The following PLD1 variants were observed in gnomAD, a reference collection of about 807,000 sequenced individuals.
The protein encoded by PLD1 is phospholipase D1, also known as choline phosphatase 1.
PLD1 carries 112 observed loss-of-function variants against 137.1 expected under a neutral mutation model. The ratio of observed to expected loss-of-function variants is 0.82; its 90% CI spans 0.70 to 0.96. The LOEUF is 0.96. PLD1 is among the 40% of genes least tolerant of loss of function. The probability of loss-of-function intolerance (pLI) is 0.00; values close to 1 mark genes in which losing one functional copy is unlikely to be tolerated. For missense variants in PLD1, 1,321 were observed against 1,342.0 expected, an observed-to-expected ratio of 0.98 and a Z score of 0.24; for synonymous variants, 431 against 454.7, an observed-to-expected ratio of 0.95 and a Z score of 0.66.
At position 171,609,891 on chromosome 3, in the gene PLD1, A is replaced by T. The variant is rs571838696; in HGVS notation, c.2882+2388T>A. ...TAACAAAACTGTACCTGTACTCCTT[A>T]ATTGTATAAAAATAATAAAAAAAGA... On this transcript the variant is annotated intron_variant, in intron 25 of 26. Coordinates refer to ENST00000351298, the MANE Select transcript of PLD1 (RefSeq NM_002662.5). 2.0e-5 allele frequency among the ~76,000 whole-genome samples: 3 copies of T among 152,166 alleles called. No individual in the cohort carries two copies. The South Asian group carries it at 6.2e-4, about 31-fold the overall frequency.
intron 12 of PLD1, among the ~76,000 whole-genome samples, chr3:171,698,537 T>C (rs1174637841): frequency 6.6e-6 from 1 of 151,994 alleles, no homozygotes; most frequent in Non-Finnish European, 1.5e-5. Context: ...GGAAAGTGAA[T>C]GGGGAAATAA....
intron 21 of PLD1, among the ~76,000 whole-genome samples, chr3:171,655,817 G>T (rs1560185685): frequency 1.3e-5 from 2 of 152,300 alleles, no homozygotes; most frequent in African/African-American, 2.4e-5. Context: ...GAATGTGTGT[G>T]TGTATCCACT....
intron 1 of PLD1, among the ~76,000 whole-genome samples, chr3:171,783,802 T>C (rs779007707): frequency 5.9e-5 from 9 of 151,998 alleles, no homozygotes; most frequent in Admixed American, 1.3e-4. Context: ...ACCATCACAC[T>C]CGACTAATTT....
At chr3:171,702,074 G>T (rs892329165) in intron 11 of PLD1, among the ~76,000 whole-genome samples, 5 of 152,090 alleles carry the variant, frequency 3.3e-5, no homozygotes, top group African/African-American at 1.2e-4. Context: ...ATAAATATAA[G>T]AGTAGAACTT....
intron 7 of PLD1, 24 bp downstream of exon 7, chr3:171,725,993 TC>T (rs747657111): frequency 1.3e-6 from 2 of 1,527,286 alleles, no homozygotes; most frequent in Non-Finnish European, 9.1e-7. Flanking sequence ...TTCATACTTC[TC>T]TTTTAAGGTT....
At chr3:171,711,830 A>AAAAAAAAAAAAAAAAAAAAAAAG (rs1388334456) in intron 9 of PLD1, among the ~76,000 whole-genome samples, 1 of 151,988 alleles carries the variant, frequency 6.6e-6, no homozygotes, top group African/African-American at 2.4e-5. Context: ...AAAAAAAAAA[A>AAAAAAAAAAAAAAAAAAAAAAAG]AAAAAAAAAA....
chr3:171,795,366 G>A (rs1223673953), intron 1 of PLD1, among the ~76,000 whole-genome samples: 1 of 152,184 alleles, frequency 6.6e-6, no homozygotes, highest in Non-Finnish European at 1.5e-5. Context: ...TACATAAACT[G>A]TGCTGAGTGC....
chr3:171,639,556 T>G (rs1164361985), intron 23 of PLD1, among the ~76,000 whole-genome samples: 34 of 73,808 alleles, frequency 4.6e-4, no homozygotes, highest in African/African-American at 2.0e-3. Context: ...TATATTCATA[T>G]AATATATATT....
At chr3:171,610,805 T>C (rs754567771) in intron 25 of PLD1, among the ~76,000 whole-genome samples, 13 of 152,204 alleles carry the variant, frequency 8.5e-5, no homozygotes, top group Non-Finnish European at 1.9e-4. Context: ...GAAAATCTTC[T>C]TACTGGCAAA....
At chr3:171,647,673 T>C (rs1736371243) in intron 21 of PLD1, among the ~76,000 whole-genome samples, 2 of 152,122 alleles carry the variant, frequency 1.3e-5, no homozygotes, top group Admixed American at 1.3e-4. Context: ...GGTCTCGAAC[T>C]CCTGACCTCA....
At chr3:171,798,343 C>T (rs115991328) in intron 1 of PLD1, among the ~76,000 whole-genome samples, 2 of 152,356 alleles carry the variant, frequency 1.3e-5, no homozygotes, top group Non-Finnish European at 2.9e-5. Context: ...CTCTCCTACT[C>T]ATCGAACATA....
At chr3:171,742,602 T>TC (rs1376981666) in intron 1 of PLD1, among the ~76,000 whole-genome samples, 1 of 152,196 alleles carries the variant, frequency 6.6e-6, no homozygotes, top group Non-Finnish European at 1.5e-5. Flanking sequence ...TATGATTAGA[T>TC]AGTTTAAACC....
intron 11 of PLD1, among the ~76,000 whole-genome samples, chr3:171,700,859 G>A (rs1251835338): frequency 6.6e-6 from 1 of 152,144 alleles, no homozygotes; most frequent in Non-Finnish European, 1.5e-5. Flanking sequence ...CCTGGGGCTG[G>A]GTTCTAAAGT....
chr3:171,709,749 CTG>C, intron 9 of PLD1, 40 bp from the exon 10 acceptor site: 1 of 1,554,166 alleles, frequency 6.4e-7, no homozygotes. Context: ...ACTGGTCACT[CTG>C]TTCTATCTCA....
chr3:171,639,945 T>G (rs1015343358), intron 23 of PLD1, among the ~76,000 whole-genome samples: 1 of 149,950 alleles, frequency 6.7e-6, no homozygotes, highest in Non-Finnish European at 1.5e-5. Context: ...TCTGGGCTAA[T>G]TTGTTGGCAT....
At chr3:171,674,649 G>C (rs761230205) in intron 18 of PLD1, 36 bp from the exon 19 acceptor site, 1 of 1,176,394 alleles carries the variant, frequency 8.5e-7, no homozygotes, top group Non-Finnish European at 1.3e-6. Context: ...ATTCAAATGA[G>C]AAAAAAGATT....
chr3:171,779,723 G>A (rs1722717881), intron 1 of PLD1, among the ~76,000 whole-genome samples: 1 of 151,204 alleles, frequency 6.6e-6, no homozygotes, highest in Non-Finnish European at 1.5e-5. Context: ...CTGGAGTTTG[G>A]ATACATAAGT....
chr3:171,755,031 A>G (rs1258538688), intron 1 of PLD1, among the ~76,000 whole-genome samples: 1 of 152,018 alleles, frequency 6.6e-6, no homozygotes, highest in Non-Finnish European at 1.5e-5. Flanking sequence ...CTGACTCTTC[A>G]TTTGCCCAAA....
At chr3:171,654,420 T>C in intron 21 of PLD1, 1 of 191,994 alleles carries the variant, frequency 5.2e-6, no homozygotes, top group Non-Finnish European at 1.1e-5. Flanking sequence ...AAGCATTAAG[T>C]CAACTGACTA....
Sources: allele counts gnomAD v4.1 joint callset (sites outside exome capture counted in the v4.1 genomes callset), GRCh38; gene constraint gnomAD v4.1.1; transcripts MANE v1.5; gene names NCBI Gene and HGNC (gene_info 2026-07-23, HGNC 2026-07-21).